ANKRD12: variants seen among roughly 807,000 people sequenced by gnomAD.
The protein encoded by ANKRD12 is ankyrin repeat domain 12.
A neutral mutation model predicts 183.4 loss-of-function variants in ANKRD12; 85 were observed. That is an observed-to-expected ratio of 0.46 (90% CI 0.39 to 0.56). ANKRD12 has a LOEUF of 0.56. Ranked by LOEUF, ANKRD12 falls within the 20% of genes least tolerant of loss-of-function variation. The probability of loss-of-function intolerance (pLI) is 0.00; values close to 1 mark genes in which losing one functional copy is unlikely to be tolerated. For synonymous variants in ANKRD12, 914 were observed against 800.2 expected, an observed-to-expected ratio of 1.14 and a Z score of -2.40; for missense variants, 2,405 against 2,357.1, an observed-to-expected ratio of 1.02 and a Z score of -0.42.
intron 6 of ANKRD12, 36 bp from the exon 7 acceptor site, chr18:9,216,722 C>T (rs2036129666): frequency 1.2e-6 from 2 of 1,602,594 alleles, no homozygotes; most frequent in South Asian, 1.1e-5. Context: ...TGAAGTAGCG[C>T]AAGTGAATCA....
At chr18:9,183,195 CTG>C (rs1449425391) in intron 2 of ANKRD12, among the ~76,000 whole-genome samples, 1 of 152,202 alleles carries the variant, frequency 6.6e-6, no homozygotes, top group Non-Finnish European at 1.5e-5. Context: ...AGTTTTCAAA[CTG>C]TATTCTTTTC....
At chr18:9,203,947 G>A (rs933547794) in intron 3 of ANKRD12, among the ~76,000 whole-genome samples, 1 of 152,098 alleles carries the variant, frequency 6.6e-6, no homozygotes, top group Non-Finnish European at 1.5e-5. Flanking sequence ...TTTGATTTAG[G>A]TTACTTTCTT....
At chr18:9,235,444 TAAAAAGAA>T (rs1225284778) in intron 8 of ANKRD12, among the ~76,000 whole-genome samples, 1 of 152,110 alleles carries the variant, frequency 6.6e-6, no homozygotes, top group African/African-American at 2.4e-5. Context: ...TTAATCCAGC[TAAAAAGAA>T]AAAAAGTTAA....
rs144995182 is a variant in ANKRD12, at chr18:9,148,080, C to T, written c.-52+11115C>T. The stretch of plus-strand genomic sequence containing the variant: ...TTCAACATTGGTAGTATTTTCTGCT[C>T]CCAGTGCCAGAAATGCAAGTAAAGC... On this transcript the variant is annotated intron_variant, in intron 1 of 12. Transcript: ENST00000262126. Among the ~76,000 whole-genome samples the T allele has an allele frequency of 6.2e-3, 951 of 152,256 alleles. 10 individuals carry two copies. The highest frequency in any genetic ancestry group is 0.021 in the African/African-American group (892 of 41,554).
intron 9 of ANKRD12, among the ~76,000 whole-genome samples, chr18:9,261,182 C>T (rs2038943737): frequency 6.6e-6 from 1 of 152,212 alleles, no homozygotes; most frequent in Non-Finnish European, 1.5e-5. Flanking sequence ...TCACACAGAG[C>T]AGCAAGCTGT....
chr18:9,261,510 T>G (rs1374325725), intron 9 of ANKRD12, among the ~76,000 whole-genome samples: 1 of 152,250 alleles, frequency 6.6e-6, no homozygotes. Context: ...CCCAATCTTC[T>G]GTGGAACATA....
intron 10 of ANKRD12, among the ~76,000 whole-genome samples, chr18:9,266,010 A>G (rs939643001): frequency 2.0e-5 from 3 of 152,256 alleles, no homozygotes; most frequent in Non-Finnish European, 2.9e-5. Flanking sequence ...CAGCTGGAAG[A>G]AAAGGTATCA....
chr18:9,203,683 C>A (rs1408544912), intron 3 of ANKRD12, among the ~76,000 whole-genome samples: 5 of 152,082 alleles, frequency 3.3e-5, no homozygotes, highest in Non-Finnish European at 7.4e-5. Context: ...CAGCTTACCG[C>A]AACCCCGGCC....
At chr18:9,269,257 T>C (rs2039469288) in intron 10 of ANKRD12, among the ~76,000 whole-genome samples, 1 of 152,110 alleles carries the variant, frequency 6.6e-6, no homozygotes. Flanking sequence ...TTCACAGAAT[T>C]GGAAAAAACT....
At chr18:9,166,960 T>G (rs981041835) in intron 1 of ANKRD12, among the ~76,000 whole-genome samples, 2 of 152,192 alleles carry the variant, frequency 1.3e-5, no homozygotes, top group African/African-American at 2.4e-5. Flanking sequence ...CCAGCACCAT[T>G]TATTAAATAG....
At chr18:9,249,746 A>G (rs531964217) in intron 8 of ANKRD12, 2 of 152,352 alleles carry the variant, frequency 1.3e-5, no homozygotes, top group South Asian at 2.1e-4. Context: ...TTGGACTAAC[A>G]TAGGTATAAA....
Position 9,256,415 on chromosome 18 carries a change from G to T in ANKRD12, c.3148G>T (p.Asp1050Tyr). ...NSLLKLKSEA[D>Y]KPKPKSSPAS... The stretch of plus-strand genomic sequence containing the variant: ...CTTACTCAAACTAAAATCTGAAGCA[G>T]ATAAGCCTAAACCTAAGTCATCACC... The change falls in exon 9 of 13, where the codon GAT (aspartate) becomes TAT (tyrosine). Residue 1050 changes from aspartate (D) to tyrosine (Y), a missense_variant. By Grantham distance (160) the Asp-to-Tyr change is radical (BLOSUM62 -3). This residue lies in a region of ANKRD12 where 1,983 missense variants were observed against 1,725.9 expected (regional missense o/e 1.15). Coordinates refer to ENST00000262126, the MANE Select transcript of ANKRD12 (RefSeq NM_015208.5). The T allele has an allele frequency of 6.2e-7, 1 of 1,611,616 alleles. No individual in the cohort carries two copies. Among genetic ancestry groups the T allele is most frequent in the Non-Finnish European group, 8.5e-7 (1 of 1,179,324 alleles).
At chr18:9,280,735 G>T (rs111485346) in intron 12 of ANKRD12, among the ~76,000 whole-genome samples, 1 of 152,024 alleles carries the variant, frequency 6.6e-6, no homozygotes, top group African/African-American at 2.4e-5. Context: ...GTTGCAGTGA[G>T]CCCAGAGCTC....
intron 1 of ANKRD12, among the ~76,000 whole-genome samples, chr18:9,137,249 C>A (rs1244645376): frequency 6.8e-6 from 1 of 147,716 alleles, no homozygotes; most frequent in Non-Finnish European, 1.5e-5. Flanking sequence ...CCCGGCGTCG[C>A]GAGGAGCCGC....
At chr18:9,193,452 A>T (rs2034583463) in intron 2 of ANKRD12, among the ~76,000 whole-genome samples, 1 of 152,098 alleles carries the variant, frequency 6.6e-6, no homozygotes, top group Non-Finnish European at 1.5e-5. Flanking sequence ...AGCCAACAGC[A>T]TTCTTTCATA....
At chr18:9,137,613 G>A (rs1484627011) in intron 1 of ANKRD12, 2 of 151,826 alleles carry the variant, frequency 1.3e-5, no homozygotes, top group African/African-American at 4.8e-5. Context: ...GGGAGAGGTG[G>A]ATGAAATCAA....
Position 9,263,778 on chromosome 18 carries a change from C to T in ANKRD12, c.5665-12C>T. Reference sequence around the variant, plus strand: ...ACCTAATATTTTAAACTATATATATCTTTTTAATTAGATTACACCACCACC... The same window carrying T: ...ACCTAATATTTTAAACTATATATATTTTTTTAATTAGATTACACCACCACC... On this transcript the variant is annotated splice_polypyrimidine_tract_variant and intron_variant, in intron 9 of 12. Transcript: ENST00000262126. The T allele has an allele frequency of 1.3e-6, 2 of 1,527,670 alleles. No individual in the cohort carries two copies. Among genetic ancestry groups the T allele is most frequent in the Non-Finnish European group, 1.8e-6 (2 of 1,129,358 alleles). The allele number at this position is 1,527,670 out of a possible 1,614,324, so 94.6% of individuals were successfully genotyped here. A position where few individuals can be genotyped will look rare whatever the true frequency, so the allele number is the denominator to read the frequency against.
chr18:9,206,667 G>A (rs552238996), intron 4 of ANKRD12, among the ~76,000 whole-genome samples: 2 of 151,982 alleles, frequency 1.3e-5, no homozygotes, highest in Non-Finnish European at 1.5e-5. Flanking sequence ...CATCTGATTC[G>A]AATTTTGTTT....
At position 9,178,321 on chromosome 18, in the gene ANKRD12, T is replaced by TTCTC. The variant is rs1555612825; in HGVS notation, c.-51-4042_-51-4039dup. Among the ~76,000 whole-genome samples, 106 of 69,082 alleles carry TTCTC rather than the reference T, an allele frequency of 1.5e-3. 1 individual carries two copies. Among genetic ancestry groups the TTCTC allele is most frequent in the East Asian group, 9.6e-3 (28 of 2,918 alleles). 45.3% of individuals were successfully genotyped at this position (69,082 alleles called of 152,430 possible). ...CTGTGGAGTGAGGTAAGGATCAAGA[T>TTCTC]TCTCTCTCTCTCTCTCTCTCTCGTT... On this transcript the variant is annotated intron_variant, in intron 1 of 12. Transcript: ENST00000262126.
Sources: allele counts gnomAD v4.1 joint callset (sites outside exome capture counted in the v4.1 genomes callset), GRCh38; gene constraint gnomAD v4.1.1; regional missense constraint gnomAD v4.1.1; transcripts MANE v1.5; gene names NCBI Gene and HGNC (gene_info 2026-07-23, HGNC 2026-07-21).